Variants in RAPGEF6 observed in about 807,000 individuals in gnomAD.
RAPGEF6 encodes Rap guanine nucleotide exchange factor 6.
In RAPGEF6, 56 loss-of-function variants were observed where a neutral mutation model predicts 171.4. That is an observed-to-expected ratio of 0.33 (90% CI 0.26 to 0.41). The LOEUF is 0.41. Ranked by LOEUF, RAPGEF6 falls within the 10% of genes least tolerant of loss-of-function variation. The pLI is 1.00. For missense variants in RAPGEF6, 1,674 were observed against 1,921.4 expected (o/e 0.87, Z 2.41); for synonymous variants, 692 against 650.1 (o/e 1.06, Z -0.98).
At chr5:131,499,972 C>T (rs1756910142) in intron 11 of RAPGEF6, among the ~76,000 whole-genome samples, 1 of 152,184 alleles carries the variant, frequency 6.6e-6, no homozygotes, top group Non-Finnish European at 1.5e-5. Context: ...GATCTCAGCT[C>T]ACTGCAACTT....
At chr5:131,522,256 C>T (rs956184090) in intron 6 of RAPGEF6, among the ~76,000 whole-genome samples, 14 of 151,936 alleles carry the variant, frequency 9.2e-5, no homozygotes, top group African/African-American at 2.4e-4. Context: ...TATTTCATGC[C>T]GTAAAAGAGA....
Position 131,427,177 on chromosome 5 carries a change from G to A in RAPGEF6, c.*89C>T. The A allele has an allele frequency of 8.0e-7, 1 of 1,250,394 alleles. No individual in the cohort carries two copies. The highest frequency in any genetic ancestry group is 1.2e-6 in the Non-Finnish European group (1 of 849,340). 77.5% of individuals were successfully genotyped at this position (1,250,394 alleles called of 1,614,324 possible). ...TCTGGACTGGTTGTAGCAATGAGCT[G>A]TTCGTTAGCAATGGCCTGCAGAATC... On this transcript the variant is annotated 3_prime_UTR_variant, in exon 28 of 28. Transcript: ENST00000509018.
chr5:131,585,036 C>T (rs1763163484), intron 4 of RAPGEF6, among the ~76,000 whole-genome samples: 1 of 152,012 alleles, frequency 6.6e-6, no homozygotes, highest in African/African-American at 2.4e-5. Context: ...GGCCAATAAG[C>T]ATAAGGGCAT....
rs1751294163 is a variant in RAPGEF6 at position 131,424,211 on chromosome 5, T to C, written c.*3055A>G. On this transcript the variant is annotated 3_prime_UTR_variant, in exon 28 of 28. Coordinates refer to ENST00000509018, the MANE Select transcript of RAPGEF6 (RefSeq NM_016340.6). ...TTGTTTCTGTCTTTTGCTGATTAGC[T>C]TACATGTCTCAATTTTAAAAGATCA... is the stretch of plus-strand genomic sequence containing the variant. 6.6e-6 allele frequency: 1 copy of C among 152,388 alleles called. No homozygotes were observed. Among genetic ancestry groups the C allele is most frequent in the African/African-American group, 2.4e-5 (1 of 41,474 alleles). 9.4% of individuals were successfully genotyped at this position (152,388 alleles called of 1,614,324 possible).
intron 1 of RAPGEF6, among the ~76,000 whole-genome samples, chr5:131,614,492 G>A (rs1765151130): frequency 6.6e-6 from 1 of 152,050 alleles, no homozygotes; most frequent in Non-Finnish European, 1.5e-5. Flanking sequence ...CAGCAAAGTA[G>A]AACAAAAGTG....
intron 15 of RAPGEF6, among the ~76,000 whole-genome samples, chr5:131,486,945 T>C (rs763796873): frequency 2.6e-4 from 40 of 152,174 alleles, no homozygotes; most frequent in Admixed American, 2.6e-3. Flanking sequence ...CTCTCAATGA[T>C]CCTGATTCTC....
At chr5:131,578,378 T>TATA (rs1762729019) in intron 4 of RAPGEF6, among the ~76,000 whole-genome samples, 1 of 152,202 alleles carries the variant, frequency 6.6e-6, no homozygotes, top group Non-Finnish European at 1.5e-5. Flanking sequence ...GTCCCCACTC[T>TATA]ATAGGCTGAC....
At chr5:131,524,997 C>T (rs1758784854) in intron 6 of RAPGEF6, among the ~76,000 whole-genome samples, 2 of 151,998 alleles carry the variant, frequency 1.3e-5, no homozygotes, top group Non-Finnish European at 2.9e-5. Context: ...CCCATAAATA[C>T]ATGCAATTAT....
chr5:131,495,379 TTTTAA>T (rs1756572926), intron 13 of RAPGEF6, among the ~76,000 whole-genome samples, 169 bp downstream of exon 13: 1 of 151,794 alleles, frequency 6.6e-6, no homozygotes, highest in Non-Finnish European at 1.5e-5. Context: ...GTAAATGTTG[TTTTAA>T]TTGAGGTGGC....
chr5:131,502,633 A>T (rs968352463), intron 11 of RAPGEF6, among the ~76,000 whole-genome samples: 9 of 152,228 alleles, frequency 5.9e-5, no homozygotes, highest in Admixed American at 4.6e-4. Context: ...TATTCTTTAA[A>T]ACTGCTAAGG....
rs138442636 is a variant in RAPGEF6, at chr5:131,543,282, A to T, written c.495+4765T>A. On this transcript the variant is annotated intron_variant, in intron 6 of 27. Coordinates refer to ENST00000509018, the MANE Select transcript of RAPGEF6 (RefSeq NM_016340.6). ...GCGATAGGGCAACAAGTTCAGAGAG[A>T]AGATAAAAAATTTTAAATCAAATAA... 1.9e-4 allele frequency among the ~76,000 whole-genome samples: 29 copies of T among 152,324 alleles called. No individual in the cohort carries two copies. In the East Asian group the frequency reaches 4.0e-3, roughly 21 times the overall value.
Position 131,635,151 on chromosome 5 carries a change from G to C in RAPGEF6, c.-121C>G. 1 of 1,047,382 alleles carries C rather than the reference G, an allele frequency of 9.5e-7. No homozygotes were observed. The highest frequency in any genetic ancestry group is 1.6e-5 in the South Asian group (1 of 61,266). 64.9% of individuals were successfully genotyped at this position (1,047,382 alleles called of 1,614,324 possible). A position where few individuals can be genotyped will look rare whatever the true frequency, so the allele number is the denominator to read the frequency against. On this transcript the variant is annotated 5_prime_UTR_variant, in exon 1 of 28. Coordinates refer to ENST00000509018, the MANE Select transcript of RAPGEF6 (RefSeq NM_016340.6). ...AGGAGGGAACTTCGCGCCGTAACAAGGTCCGAACTCTAGCAAACAACCCTT... is the reference window on the plus strand; with the variant it reads ...AGGAGGGAACTTCGCGCCGTAACAACGTCCGAACTCTAGCAAACAACCCTT...
chr5:131,573,352 TCAGA>T (rs1343038224), intron 4 of RAPGEF6, among the ~76,000 whole-genome samples: 1 of 152,094 alleles, frequency 6.6e-6, no homozygotes, highest in Non-Finnish European at 1.5e-5. Flanking sequence ...CTTTTCTCTA[TCAGA>T]CCTTTCCCAA....
chr5:131,464,088 A>C lies in RAPGEF6; in HGVS notation c.2433T>G (p.Leu811=). 3.1e-6 allele frequency: 5 copies of C among 1,612,806 alleles called. No homozygotes were observed. Among genetic ancestry groups the C allele is most frequent in the Non-Finnish European group, 4.2e-6 (5 of 1,179,262 alleles). ...TPEGVIKQRR[L]PDQFSKLADR... ...CAGCTAATTTGGAGAACTGATCTGG[A>C]AGTCTTCTCTGTTTTATGACACCCT... Residue 811 remains leucine (L), a synonymous_variant, in exon 18 of 28, where the codon CTT becomes CTG. Coordinates refer to ENST00000509018, the MANE Select transcript of RAPGEF6 (RefSeq NM_016340.6).
At chr5:131,517,677 T>C (rs1758183852) in intron 7 of RAPGEF6, among the ~76,000 whole-genome samples, 1 of 148,854 alleles carries the variant, frequency 6.7e-6, no homozygotes. Context: ...AAAGGGAATC[T>C]AAAGGCAGCC....
intron 3 of RAPGEF6, among the ~76,000 whole-genome samples, chr5:131,600,537 G>A (rs1378671429): frequency 2.4e-5 from 3 of 126,358 alleles, no homozygotes; most frequent in Non-Finnish European, 4.9e-5. Flanking sequence ...GAGAAGGAAG[G>A]AAGGAAGGAA....
chr5:131,478,237 G>C (rs1381572824), intron 16 of RAPGEF6, among the ~76,000 whole-genome samples: 1 of 152,044 alleles, frequency 6.6e-6, no homozygotes, highest in Non-Finnish European at 1.5e-5. Context: ...GAAAAACTTC[G>C]AGATTTTTAA....
Position 131,555,176 on chromosome 5 carries a change from A to C in RAPGEF6, c.351+6802T>G, listed in dbSNP as rs182121796. On this transcript the variant is annotated intron_variant, in intron 5 of 27. Transcript: ENST00000509018. ...TATTTCTCTGCTTCCTAGTGAAGGAAATCCCAATCTAATAAATTTCTTGGT... is the reference window on the plus strand; with the variant it reads ...TATTTCTCTGCTTCCTAGTGAAGGACATCCCAATCTAATAAATTTCTTGGT... Among the ~76,000 whole-genome samples the C allele has an allele frequency of 1.8e-4, 27 of 152,314 alleles. No individual in the cohort carries two copies. The East Asian group carries it at 5.0e-3, about 28-fold the overall frequency.
chr5:131,468,675 G>A (rs900138520), intron 17 of RAPGEF6, among the ~76,000 whole-genome samples: 3 of 152,122 alleles, frequency 2.0e-5, no homozygotes, highest in East Asian at 3.8e-4. Context: ...CAGGGTTCCA[G>A]GTGATGAAGC....
Sources: allele counts gnomAD v4.1 joint callset (sites outside exome capture counted in the v4.1 genomes callset), GRCh38; gene constraint gnomAD v4.1.1; transcripts MANE v1.5; gene names NCBI Gene and HGNC (gene_info 2026-07-23, HGNC 2026-07-21).